Variants in VPS33A observed in about 807,000 individuals in gnomAD.
VPS33A encodes the protein VPS33A core subunit of CORVET and HOPS complexes.
In VPS33A, 32 loss-of-function variants were observed where a neutral mutation model predicts 71.8. The ratio of observed to expected loss-of-function variants is 0.45; its 90% CI spans 0.34 to 0.60. The LOEUF (loss-of-function observed/expected upper bound fraction) is 0.60, where lower values mean the gene tolerates loss of function less well. Among genes scored for constraint, VPS33A ranks in the 20% least tolerant of loss-of-function variants. The pLI is 0.02. For synonymous variants in VPS33A, 311 were observed against 292.7 expected, an observed-to-expected ratio of 1.06 and a Z score of -0.64; for missense variants, 625 against 748.5, an observed-to-expected ratio of 0.84 and a Z score of 1.92.
At chr12:122,243,251 G>A (rs1292797457) in intron 7 of VPS33A, among the ~76,000 whole-genome samples, 2 of 152,112 alleles carry the variant, frequency 1.3e-5, no homozygotes, top group African/African-American at 4.8e-5. Context: ...TTGACCCTCA[G>A]TCTTTTATTT....
chr12:122,254,631 G>A (rs572545148), intron 4 of VPS33A, among the ~76,000 whole-genome samples: 1 of 151,878 alleles, frequency 6.6e-6, no homozygotes, highest in African/African-American at 2.4e-5. Context: ...GCCTGGTCTC[G>A]AACTACTGAC....
intron 3 of VPS33A, among the ~76,000 whole-genome samples, chr12:122,261,884 C>A (rs953291936): frequency 6.6e-6 from 1 of 152,168 alleles, no homozygotes; most frequent in East Asian, 1.9e-4. Flanking sequence ...CACCTGTAAT[C>A]CCAGCTACTT....
At position 122,238,604 on chromosome 12, in the gene VPS33A, T is replaced by G; in HGVS notation, c.1285A>C (p.Lys429Gln). ...ATACTCACCTGGAGAATCTCTCTTTTGTAATAATCCAAAACTTTTTGTTTG... is the reference window on the plus strand; with the variant it reads ...ATACTCACCTGGAGAATCTCTCTTTGGTAATAATCCAAAACTTTTTGTTTG... ...GLKQKVLDYY[K>Q]REILQTYGYE... The change falls in exon 10 of 13, where the codon AAA (lysine) becomes CAA (glutamine). Residue 429 changes from lysine to glutamine, a missense_variant. Physicochemically the swap from Lys to Gln is moderately conservative, Grantham distance 53. Transcript: ENST00000267199. 1 of 1,609,990 alleles carries G rather than the reference T, an allele frequency of 6.2e-7. No homozygotes were observed. The highest frequency in any genetic ancestry group is 8.5e-7 in the Non-Finnish European group (1 of 1,178,810).
chr12:122,246,146 C>G (rs1350444876), intron 6 of VPS33A, among the ~76,000 whole-genome samples: 2 of 152,038 alleles, frequency 1.3e-5, no homozygotes, highest in African/African-American at 4.8e-5. Context: ...GCCTTTCACC[C>G]CAAAAATCCT....
At chr12:122,234,022 T>G (rs774804321) in intron 11 of VPS33A, among the ~76,000 whole-genome samples, 2 of 152,190 alleles carry the variant, frequency 1.3e-5, no homozygotes, top group Non-Finnish European at 2.9e-5. Flanking sequence ...GGCGGCCTAA[T>G]AAAGTTCCTT....
chr12:122,242,072 T>C (rs1422733857), intron 8 of VPS33A, among the ~76,000 whole-genome samples: 1 of 151,974 alleles, frequency 6.6e-6, no homozygotes, highest in East Asian at 1.9e-4. Context: ...TGTGCCTGGC[T>C]AATTTTTGTA....
Position 122,235,798 on chromosome 12 carries a change from A to T in VPS33A, c.1428T>A (p.Asp476Glu). The change falls in exon 11 of 13, where the codon GAT becomes GAA. Residue 476 changes from aspartate to glutamate, a missense_variant. Physicochemically the swap from Asp to Glu is conservative, Grantham distance 45. Transcript: ENST00000267199. ...AAGTGTGGCTTACTTGCTCATTAAC[A>T]TCATCCATCCAGAGGCGTAATGTTT... ...IRKTLRLWMD[D>E]VNEQNPTDIS... is the part of the protein sequence containing the mutation. 1.2e-6 allele frequency: 2 copies of T among 1,611,820 alleles called. No individual in the cohort carries two copies. Among genetic ancestry groups the T allele is most frequent in the Non-Finnish European group, 1.7e-6 (2 of 1,179,010 alleles).
intron 10 of VPS33A, among the ~76,000 whole-genome samples, chr12:122,238,159 A>C (rs1460328121): frequency 1.3e-5 from 2 of 152,174 alleles, no homozygotes; most frequent in Non-Finnish European, 2.9e-5. Flanking sequence ...AAATTTATAC[A>C]ACAGTCGTTA....
intron 4 of VPS33A, among the ~76,000 whole-genome samples, chr12:122,257,637 CA>C (rs1458774630): frequency 2.6e-5 from 4 of 151,670 alleles, no homozygotes; most frequent in Non-Finnish European, 5.9e-5. Context: ...TACACCAGTG[CA>C]CTCCAGCCTG....
intron 2 of VPS33A, 25 bp downstream of exon 2, chr12:122,264,109 A>G (rs761264501): frequency 6.6e-7 from 1 of 1,505,560 alleles, no homozygotes; most frequent in South Asian, 1.4e-5. Context: ...TTAATCCCCT[A>G]ACAAAACCCA....
chr12:122,231,913 C>CG lies in VPS33A; in HGVS notation c.*332dup, dbSNP rs1954566548. On this transcript the variant is annotated 3_prime_UTR_variant, in exon 13 of 13. Coordinates refer to ENST00000267199, the MANE Select transcript of VPS33A (RefSeq NM_022916.6). ...GGCTACTAAAAATACAAAAATTAGC[C>CG]GGGTGTGGTGGTGCATGCCTGTAGT... The CG allele has an allele frequency of 5.2e-6, 2 of 382,980 alleles. No individual in the cohort carries two copies. Among genetic ancestry groups the CG allele is most frequent in the South Asian group, 2.8e-4 (2 of 7,104 alleles). The allele number at this position is 382,980 out of a possible 1,614,324, so 23.7% of individuals were successfully genotyped here.
chr12:122,249,684 G>C, intron 6 of VPS33A, 187 bp downstream of exon 6: 1 of 465,648 alleles, frequency 2.1e-6, no homozygotes, highest in Non-Finnish European at 3.5e-6. Context: ...TTTGGCCAAG[G>C]GTTAGAAAAG....
intron 10 of VPS33A, among the ~76,000 whole-genome samples, chr12:122,237,932 A>T (rs1954652213): frequency 6.6e-6 from 1 of 151,938 alleles, no homozygotes; most frequent in East Asian, 1.9e-4. Flanking sequence ...CTGCAGACAC[A>T]GCCACCATGC....
At chr12:122,235,149 A>G (rs1954612729) in intron 11 of VPS33A, among the ~76,000 whole-genome samples, 1 of 151,790 alleles carries the variant, frequency 6.6e-6, no homozygotes, top group Admixed American at 6.6e-5. Context: ...TTGTAGAGAC[A>G]AGGTTTTGCC....
At chr12:122,266,210 G>A (rs1955069063) in intron 1 of VPS33A, 97 bp downstream of exon 1, 1 of 1,521,236 alleles carries the variant, frequency 6.6e-7, no homozygotes. Flanking sequence ...GAAGCCCCAA[G>A]GACCTCATAA....
chr12:122,243,700 T>C (rs569938646), intron 7 of VPS33A, among the ~76,000 whole-genome samples: 2 of 152,232 alleles, frequency 1.3e-5, no homozygotes, highest in African/African-American at 2.4e-5. Flanking sequence ...TGGAATTACA[T>C]GGCCTAGTTC....
intron 7 of VPS33A, among the ~76,000 whole-genome samples, chr12:122,244,265 T>C (rs961736454): frequency 6.6e-6 from 1 of 152,192 alleles, no homozygotes; most frequent in African/African-American, 2.4e-5. Context: ...GGCTTCCTCT[T>C]AGGCAAGGTA....
At chr12:122,243,597 T>C (rs965401699) in intron 7 of VPS33A, among the ~76,000 whole-genome samples, 4 of 152,178 alleles carry the variant, frequency 2.6e-5, no homozygotes, top group African/African-American at 9.7e-5. Flanking sequence ...GTGATGATAA[T>C]ATTTTTTGGC....
Position 122,238,735 on chromosome 12 carries a change from A to T in VPS33A, c.1165-11T>A, listed in dbSNP as rs1419410050. On this transcript the variant is annotated splice_polypyrimidine_tract_variant and intron_variant, in intron 9 of 12. Coordinates refer to ENST00000267199, the MANE Select transcript of VPS33A (RefSeq NM_022916.6). ...AATGTAATTGTTGACCTGGAAATAA[A>T]GTAGCATACATATACATATACATTT... The T allele has an allele frequency of 8.1e-6, 13 of 1,611,576 alleles. No individual in the cohort carries two copies. In the South Asian group the frequency reaches 1.4e-4, roughly 18 times the overall value.
Sources: gnomAD v4.1 joint callset for allele counts (sites outside exome capture counted in the v4.1 genomes callset) on GRCh38, gnomAD v4.1.1 for gene constraint, MANE v1.5 for transcripts, NCBI Gene and HGNC (gene_info 2026-07-23, HGNC 2026-07-21) for gene names.